The following PLB1 variants were observed in gnomAD, a reference collection of about 807,000 sequenced individuals.
The protein encoded by PLB1 is phospholipase B1.
A neutral mutation model predicts 227.4 loss-of-function variants in PLB1; 242 were observed. The observed-to-expected ratio is 1.06, with a 90% CI of 0.96 to 1.18. The LOEUF (loss-of-function observed/expected upper bound fraction) is 1.18, where lower values mean the gene tolerates loss of function less well. PLB1 is among the 50% of genes most tolerant of loss of function. The pLI is 0.00. For synonymous variants in PLB1, 757 were observed against 682.2 expected, an observed-to-expected ratio of 1.11 and a Z score of -1.71; for missense variants, 1,858 against 1,816.3, an observed-to-expected ratio of 1.02 and a Z score of -0.42.
chr2:28,631,236 C>T (rs1688595724), intron 54 of PLB1, among the ~76,000 whole-genome samples: 1 of 152,090 alleles, frequency 6.6e-6, no homozygotes, highest in Non-Finnish European at 1.5e-5. Context: ...CTCTCTCTGC[C>T]CCCTTCCATC....
At chr2:28,638,654 G>C (rs1297307083) in intron 56 of PLB1, among the ~76,000 whole-genome samples, 3 of 151,594 alleles carry the variant, frequency 2.0e-5, no homozygotes, top group African/African-American at 7.3e-5. Context: ...TTTTTGGTTT[G>C]GGGTCTAAGA....
chr2:28,639,885 G>A (rs1417882887), intron 56 of PLB1, among the ~76,000 whole-genome samples: 2 of 152,142 alleles, frequency 1.3e-5, no homozygotes, highest in African/African-American at 2.4e-5. Flanking sequence ...AGGATGTCAT[G>A]CCTGTCCCTA....
intron 18 of PLB1, 44 bp downstream of exon 18, chr2:28,563,143 T>G: frequency 6.4e-7 from 1 of 1,559,316 alleles, no homozygotes; most frequent in Non-Finnish European, 8.8e-7. Context: ...GAAAAGATTT[T>G]GACTAATATG....
At chr2:28,524,515 T>C (rs573783045) in intron 4 of PLB1, among the ~76,000 whole-genome samples, 1 of 149,888 alleles carries the variant, frequency 6.7e-6, no homozygotes, top group Admixed American at 6.6e-5. Context: ...CATATATTTG[T>C]TAAATACTTA....
At chr2:28,546,683 G>A (rs1036266832) in intron 14 of PLB1, among the ~76,000 whole-genome samples, 2 of 152,096 alleles carry the variant, frequency 1.3e-5, no homozygotes, top group Non-Finnish European at 1.5e-5. Context: ...CAGAGCCAGT[G>A]TAAAGGGAAT....
At position 28,625,121 on chromosome 2, in the gene PLB1, C is replaced by T. The variant is rs779081490; in HGVS notation, c.3579+13C>T. 2.4e-5 allele frequency: 39 copies of T among 1,609,520 alleles called. No individual in the cohort carries two copies. Among genetic ancestry groups the T allele is most frequent in the Non-Finnish European group, 3.2e-5 (38 of 1,177,264 alleles). On this transcript the variant is annotated intron_variant, in intron 50 of 57. Transcript: ENST00000327757. ...GAAAAACAGCCCCGTGAGTACAGGC[C>T]CCCAGGCCACCCCTGAAAGGTGCCC...
chr2:28,538,496 A>G, intron 10 of PLB1, 115 bp downstream of exon 10: 1 of 946,800 alleles, frequency 1.1e-6, no homozygotes, highest in Non-Finnish European at 1.6e-6. Context: ...CCCTCGGGAA[A>G]GGGGAAACTT....
intron 39 of PLB1, 97 bp downstream of exon 39, chr2:28,603,018 C>G (rs974679969): frequency 1.2e-5 from 13 of 1,082,802 alleles, no homozygotes; most frequent in Non-Finnish European, 1.5e-5. Context: ...GTGACTTGGT[C>G]TATCCATGTG....
At position 28,549,021 on chromosome 2, in the gene PLB1, C is replaced by T; in HGVS notation, c.1008+90C>T. On this transcript the variant is annotated intron_variant, in intron 15 of 57. Transcript: ENST00000327757. ...GGGCTTTGCTGTGAAGTGGGTCTTACCTGAGATGTGAATCCTGTTTCTGTT... is the reference window on the plus strand; with the variant it reads ...GGGCTTTGCTGTGAAGTGGGTCTTATCTGAGATGTGAATCCTGTTTCTGTT... 2.7e-6 allele frequency: 3 copies of T among 1,122,350 alleles called. No individual in the cohort carries two copies. The South Asian group carries it at 3.9e-5, about 14-fold the overall frequency. The allele number at this position is 1,122,350 out of a possible 1,614,324, so 69.5% of individuals were successfully genotyped here.
chr2:28,613,969 TC>T, intron 43 of PLB1, 61 bp from the exon 44 acceptor site: 1 of 1,367,572 alleles, frequency 7.3e-7, no homozygotes, highest in Non-Finnish European at 1.0e-6. Context: ...TTAGTTTTTC[TC>T]CTTCTCAAGC....
chr2:28,573,101 G>T (rs1678290411), intron 20 of PLB1, 96 bp from the exon 21 acceptor site: 4 of 916,612 alleles, frequency 4.4e-6, no homozygotes, highest in Non-Finnish European at 7.0e-6. Context: ...CTGCGGAGTG[G>T]GGACTCTGTT....
intron 32 of PLB1, 101 bp from the exon 33 acceptor site, chr2:28,593,580 C>T (rs958648467): frequency 1.4e-5 from 13 of 932,206 alleles, no homozygotes; most frequent in African/African-American, 9.8e-5. Flanking sequence ...CCTGCCACCA[C>T]GAGTGCATTG....
At chr2:28,594,185 CAGAAAACCTCTGAAA>C in intron 33 of PLB1, 1 of 398,656 alleles carries the variant, frequency 2.5e-6, no homozygotes, top group South Asian at 1.9e-5. Flanking sequence ...CACATCTGCA[CAGAAAACCTCTGAAA>C]CCCATCGCAC....
chr2:28,591,023 C>A, intron 29 of PLB1, 110 bp from the exon 30 acceptor site: 3 of 1,381,292 alleles, frequency 2.2e-6, no homozygotes, highest in Non-Finnish European at 3.1e-6. Flanking sequence ...GCTTGGGACA[C>A]AGGGCAGGCA....
chr2:28,512,543 T>C (rs1668401861), intron 1 of PLB1, among the ~76,000 whole-genome samples: 1 of 152,228 alleles, frequency 6.6e-6, no homozygotes. Flanking sequence ...TGATCAAACA[T>C]AGCAATTCTG....
In PLB1 at chr2:28,509,974, C is replaced by T. The variant is rs540728677; in HGVS notation, c.56-6834C>T. Among the ~76,000 whole-genome samples, 6 of 152,214 alleles carry T rather than the reference C, an allele frequency of 3.9e-5. No individual in the cohort carries two copies. In the South Asian group the frequency reaches 8.3e-4, roughly 21 times the overall value. ...TTCCCTTTGAATCTTCAGGTCTGGACGCTTAACATTTAGATCCCAGGAACG... is the reference window on the plus strand; with the variant it reads ...TTCCCTTTGAATCTTCAGGTCTGGATGCTTAACATTTAGATCCCAGGAACG... On this transcript the variant is annotated intron_variant, in intron 1 of 57. Transcript: ENST00000327757.
chr2:28,626,588 G>A, intron 51 of PLB1, 80 bp downstream of exon 51: 1 of 1,250,734 alleles, frequency 8.0e-7, no homozygotes, highest in Non-Finnish European at 1.2e-6. Context: ...TCCATCCCTG[G>A]CCCTGCCCCG....
At chr2:28,592,186 A>G (rs934100709) in intron 31 of PLB1, among the ~76,000 whole-genome samples, 7 of 152,008 alleles carry the variant, frequency 4.6e-5, no homozygotes, top group Admixed American at 4.6e-4. Flanking sequence ...AAGGCCCAAC[A>G]TGGCTATTCT....
intron 49 of PLB1, among the ~76,000 whole-genome samples, chr2:28,622,386 A>T (rs994168478): frequency 6.6e-6 from 1 of 152,240 alleles, no homozygotes; most frequent in African/African-American, 2.4e-5. Context: ...GGGTTGTCAT[A>T]AGGATTAAAT....
Sources: gnomAD v4.1 joint callset for allele counts (sites outside exome capture counted in the v4.1 genomes callset) on GRCh38, gnomAD v4.1.1 for gene constraint, MANE v1.5 for transcripts, NCBI Gene and HGNC (gene_info 2026-07-23, HGNC 2026-07-21) for gene names.